Variants in PDXDC1 observed in about 807,000 individuals in gnomAD.
The protein encoded by PDXDC1 is pyridoxal dependent decarboxylase domain containing 1, also known as pyridoxal-dependent decarboxylase domain-containing protein 1.
PDXDC1 carries 42 observed loss-of-function variants against 100.1 expected under a neutral mutation model. The ratio of observed to expected loss-of-function variants is 0.42; its 90% CI spans 0.33 to 0.54. The LOEUF (loss-of-function observed/expected upper bound fraction) is 0.54, where lower values mean the gene tolerates loss of function less well. Ranked by LOEUF, PDXDC1 falls within the 20% of genes least tolerant of loss-of-function variation. PDXDC1 has a pLI of 0.10. For missense variants in PDXDC1, 636 were observed against 979.2 expected (o/e 0.65, Z 4.68); for synonymous variants, 260 against 371.7 (o/e 0.70, Z 3.46).
intron 11 of PDXDC1, among the ~76,000 whole-genome samples, chr16:15,018,016 G>C (rs1409851038): frequency 6.6e-6 from 1 of 152,140 alleles, no homozygotes; most frequent in East Asian, 1.9e-4. Context: ...TTGAACTCGC[G>C]ATCTCAGGTG....
At chr16:15,148,940 C>T in the PDXDC1 span, among the ~76,000 whole-genome samples, 10 of 152,150 alleles carry the variant, frequency 6.6e-5, no homozygotes, top group Non-Finnish European at 1.2e-4. Context: ...ACAAGTTTGG[C>T]GAGTTTGCAT....
rs1355362811 is a variant in PDXDC1 at position 15,006,532 on chromosome 16, A to G, written c.528A>G (p.Ile176Met). The G allele has an allele frequency of 1.9e-6, 3 of 1,604,820 alleles. No homozygotes were observed. The highest frequency in any genetic ancestry group is 1.3e-5 in the African/African-American group (1 of 74,824). ...FNVLYNKKPVIYLSAAARPGL... is the reference protein window; with the variant it reads ...FNVLYNKKPVMYLSAAARPGL... ...TGTTATATAACAAGAAGCCTGTCATATATCTTAGTGCTGCTGCTAGACCTG... is the reference window on the plus strand; with the variant it reads ...TGTTATATAACAAGAAGCCTGTCATGTATCTTAGTGCTGCTGCTAGACCTG... The change falls in exon 6 of 23, where the codon ATA becomes ATG. Residue 176 changes from isoleucine (I) to methionine (M), a missense_variant. Around this residue, in one of 4 missense-constraint regions of PDXDC1, gnomAD observed 125 missense variants for 479.9 expected, o/e 0.26. Transcript: ENST00000396410.
chr16:15,014,010 C>T (rs1441835198), intron 8 of PDXDC1, among the ~76,000 whole-genome samples: 7 of 152,192 alleles, frequency 4.6e-5, no homozygotes, highest in African/African-American at 1.7e-4. Context: ...AGTTCAAGAC[C>T]AGCCTGGCCA....
In PDXDC1 at chr16:15,036,807, C is replaced by T. The variant is rs2043481513; in HGVS notation, c.*532C>T. 3 of 159,722 alleles carry T rather than the reference C, an allele frequency of 1.9e-5. No homozygotes were observed. The South Asian group carries it at 5.3e-4, about 28-fold the overall frequency. The allele number at this position is 159,722 out of a possible 1,614,324, so 9.9% of individuals were successfully genotyped here. ...AAATAAGAGCATCAGAAGCCCTCCCCAGCTACTGCTCTTCGTGGAGACTTA... is the reference window on the plus strand; with the variant it reads ...AAATAAGAGCATCAGAAGCCCTCCCTAGCTACTGCTCTTCGTGGAGACTTA... On this transcript the variant is annotated 3_prime_UTR_variant, in exon 23 of 23. Coordinates refer to ENST00000396410, the MANE Select transcript of PDXDC1 (RefSeq NM_015027.4).
At chr16:15,077,747 A>T (rs1406048531) in intron 16 of PDXDC1, among the ~76,000 whole-genome samples, 1 of 152,230 alleles carries the variant, frequency 6.6e-6, no homozygotes, top group Non-Finnish European at 1.5e-5. Flanking sequence ...AGGCTGAGGC[A>T]GGAGAACTGC....
chr16:15,000,328 G>A (rs1972874664), intron 3 of PDXDC1, among the ~76,000 whole-genome samples: 1 of 152,286 alleles, frequency 6.6e-6, no homozygotes. Flanking sequence ...ACTGTCTGAA[G>A]CCTCCCAAAT....
At chr16:15,043,456 C>G (rs1256163273) in intron 16 of PDXDC1, among the ~76,000 whole-genome samples, 2 of 152,184 alleles carry the variant, frequency 1.3e-5, no homozygotes, top group Admixed American at 6.5e-5. Context: ...GAGGGAGGAT[C>G]ACTTGAGCCC....
At chr16:15,073,769 C>A (rs538006777) in intron 16 of PDXDC1, among the ~76,000 whole-genome samples, 1 of 152,236 alleles carries the variant, frequency 6.6e-6, no homozygotes, top group African/African-American at 2.4e-5. Context: ...ACCCATGTGA[C>A]CAACAACATT....
At chr16:15,112,765 T>G (rs2047122069) in intron 16 of PDXDC1, among the ~76,000 whole-genome samples, 1 of 99,318 alleles carries the variant, frequency 1.0e-5, no homozygotes, top group African/African-American at 3.9e-5. Context: ...CCATCACACA[T>G]GAATGCTTCA....
At position 15,037,732 on chromosome 16, in the gene PDXDC1, C is replaced by G; in HGVS notation, c.*1457C>G. 1 of 260,978 alleles carries G rather than the reference C, an allele frequency of 3.8e-6. No homozygotes were observed. The highest frequency in any genetic ancestry group is 1.2e-3 in the Middle Eastern group (1 of 862). The allele number at this position is 260,978 out of a possible 1,614,324, so 16.2% of individuals were successfully genotyped here. A position where few individuals can be genotyped will look rare whatever the true frequency, so the allele number is the denominator to read the frequency against. Reference sequence around the variant, plus strand: ...AATCTTATTACAAAAGACTTACCCACGTACCTGAAATAGCTGCCGATAGAC... The same window carrying G: ...AATCTTATTACAAAAGACTTACCCAGGTACCTGAAATAGCTGCCGATAGAC... On this transcript the variant is annotated 3_prime_UTR_variant, in exon 23 of 23. Transcript: ENST00000396410.
chr16:15,053,894 A>G (rs2044394420), intron 16 of PDXDC1, among the ~76,000 whole-genome samples: 1 of 152,226 alleles, frequency 6.6e-6, no homozygotes, highest in Non-Finnish European at 1.5e-5. Context: ...CCTGGGCCAC[A>G]GAACAAAACT....
chr16:15,041,994 A>T (rs536644075), downstream of PDXDC1, among the ~76,000 whole-genome samples: 40 of 152,284 alleles, frequency 2.6e-4, no homozygotes, highest in African/African-American at 8.2e-4. Context: ...TTTTCTCCTA[A>T]CTAAACTGTT....
chr16:15,042,647 C>G (rs1054200452), downstream of PDXDC1, among the ~76,000 whole-genome samples: 6 of 152,196 alleles, frequency 3.9e-5, no homozygotes, highest in African/African-American at 1.4e-4. Flanking sequence ...AGGTTCAAAT[C>G]TCTATGCACA....
In PDXDC1 at chr16:15,036,108, C is replaced by A; in HGVS notation, c.2200C>A (p.Arg734Ser). The change falls in exon 23 of 23, where the codon CGC (arginine) becomes AGC (serine). Residue 734 changes from arginine (R) to serine (S), a missense_variant. Around this residue, in one of 4 missense-constraint regions of PDXDC1, gnomAD observed 452 missense variants for 402.9 expected, o/e 1.12. Transcript: ENST00000396410. The part of the protein sequence containing the change: ...SHIEDLEKVE[R>S]LSSGPEQITL... Reference sequence around the variant, plus strand: ...CATTGAAGACTTAGAAAAGGTGGAGCGCCTATCCAGTGGGCCGGAGCAGAT... The same window carrying A: ...CATTGAAGACTTAGAAAAGGTGGAGAGCCTATCCAGTGGGCCGGAGCAGAT... 1.2e-6 allele frequency: 2 copies of A among 1,614,074 alleles called. No homozygotes were observed. The highest frequency in any genetic ancestry group is 1.7e-6 in the Non-Finnish European group (2 of 1,180,004).
intron 13 of PDXDC1, among the ~76,000 whole-genome samples, chr16:15,023,192 A>G (rs936716382): frequency 6.6e-6 from 1 of 152,278 alleles, no homozygotes; most frequent in African/African-American, 2.4e-5. Context: ...AGAAAGAGAA[A>G]AGCAAATGGC....
chr16:15,131,433 G>A, intron 16 of PDXDC1: 1 of 1,608,312 alleles, frequency 6.2e-7, no homozygotes, highest in Non-Finnish European at 8.5e-7. Flanking sequence ...GGGCCCTGCT[G>A]AAAGCCTAGG....
At chr16:15,117,512 C>T (rs2047276848) in intron 16 of PDXDC1, among the ~76,000 whole-genome samples, 1 of 151,146 alleles carries the variant, frequency 6.6e-6, no homozygotes, top group South Asian at 2.1e-4. Context: ...CAAAAATTAG[C>T]CAGGCGTGGT....
intron 16 of PDXDC1, among the ~76,000 whole-genome samples, chr16:15,101,385 C>T (rs1396739404): frequency 2.6e-5 from 4 of 152,158 alleles, no homozygotes; most frequent in South Asian, 4.1e-4. Context: ...GGCACGATCT[C>T]GGCTCACTGC....
chr16:14,995,469 C>T (rs1268795097), intron 1 of PDXDC1, among the ~76,000 whole-genome samples: 12 of 152,280 alleles, frequency 7.9e-5, no homozygotes, highest in Non-Finnish European at 1.8e-4. Flanking sequence ...GTTGAACCAG[C>T]CTTGCATCCC....
Sources: gnomAD v4.1 joint callset for allele counts (sites outside exome capture counted in the v4.1 genomes callset) on GRCh38, gnomAD v4.1.1 for gene constraint, gnomAD v4.1.1 regional missense constraint, MANE v1.5 for transcripts, NCBI Gene and HGNC (gene_info 2026-07-23, HGNC 2026-07-21) for gene names.